SLC16A9: variants seen among roughly 807,000 people sequenced by gnomAD.
SLC16A9 encodes solute carrier family 16 member 9, also known as monocarboxylate transporter 9.
A neutral mutation model predicts 44.3 loss-of-function variants in SLC16A9; 26 were observed. The ratio of observed to expected loss-of-function variants is 0.59; its 90% CI spans 0.43 to 0.81. The LOEUF is 0.81. Among genes scored for constraint, SLC16A9 ranks in the 40% least tolerant of loss-of-function variants. The pLI is 0.00. For synonymous variants in SLC16A9, 230 were observed against 225.1 expected, an observed-to-expected ratio of 1.02 and a Z score of -0.19; for missense variants, 559 against 595.8, an observed-to-expected ratio of 0.94 and a Z score of 0.64.
At chr10:59,668,133 C>T (rs1388483846) in intron 3 of SLC16A9, among the ~76,000 whole-genome samples, 1 of 152,018 alleles carries the variant, frequency 6.6e-6, no homozygotes, top group Non-Finnish European at 1.5e-5. Context: ...AGTACTTTTC[C>T]CACCAATCTG....
At chr10:59,675,535 T>C (rs1436445675) in intron 2 of SLC16A9, among the ~76,000 whole-genome samples, 1 of 152,162 alleles carries the variant, frequency 6.6e-6, no homozygotes, top group African/African-American at 2.4e-5. Context: ...AGTCTCCCAG[T>C]AGACAGAAAA....
chr10:59,665,361 C>T (rs1265199686), intron 3 of SLC16A9, among the ~76,000 whole-genome samples: 1 of 152,166 alleles, frequency 6.6e-6, no homozygotes, highest in Non-Finnish European at 1.5e-5. Context: ...AAAATAGCTA[C>T]CTGGACTATG....
Position 59,651,000 on chromosome 10 carries a change from T to A in SLC16A9, c.*1772A>T, listed in dbSNP as rs1445907150. The A allele has an allele frequency of 6.6e-6, 1 of 151,600 alleles. No individual in the cohort carries two copies. The highest frequency in any genetic ancestry group is 2.4e-5 in the African/African-American group (1 of 41,058). The allele number at this position is 151,600 out of a possible 1,614,324, so 9.4% of individuals were successfully genotyped here. ...ACAAGTAGTTTAGTTTTTTTTTTTTTTATGTCACTTATTTTATTTACTAAC... is the reference window on the plus strand; with the variant it reads ...ACAAGTAGTTTAGTTTTTTTTTTTTATATGTCACTTATTTTATTTACTAAC... On this transcript the variant is annotated 3_prime_UTR_variant, in exon 6 of 6. Transcript: ENST00000395348.
chr10:59,667,175 G>A (rs1839639139), intron 3 of SLC16A9, among the ~76,000 whole-genome samples: 1 of 152,086 alleles, frequency 6.6e-6, no homozygotes, highest in Non-Finnish European at 1.5e-5. Context: ...ATACTGATAT[G>A]GTATCAGGTT....
intron 1 of SLC16A9, among the ~76,000 whole-genome samples, chr10:59,702,690 T>C (rs1253610759): frequency 6.6e-6 from 1 of 152,248 alleles, no homozygotes; most frequent in African/African-American, 2.4e-5. Flanking sequence ...AACTCAGCTT[T>C]AAAAACACAC....
intron 1 of SLC16A9, among the ~76,000 whole-genome samples, chr10:59,691,688 G>C (rs370485821): frequency 6.6e-6 from 1 of 152,164 alleles, no homozygotes; most frequent in Non-Finnish European, 1.5e-5. Context: ...AAACGAAAAA[G>C]ACTATTGATG....
intron 5 of SLC16A9, 82 bp downstream of exon 5, chr10:59,653,593 C>T: frequency 8.5e-7 from 1 of 1,172,486 alleles, no homozygotes; most frequent in Non-Finnish European, 1.2e-6. Context: ...ATCTGTGCTA[C>T]TATTACAATC....
intron 3 of SLC16A9, among the ~76,000 whole-genome samples, chr10:59,665,766 TG>T (rs1217397014): frequency 1.3e-5 from 2 of 152,182 alleles, no homozygotes; most frequent in Non-Finnish European, 2.9e-5. Context: ...ATGCTTTCCG[TG>T]ATTTCGTTGT....
intron 1 of SLC16A9, among the ~76,000 whole-genome samples, chr10:59,700,776 T>C (rs1252096496): frequency 6.6e-6 from 1 of 152,134 alleles, no homozygotes; most frequent in Non-Finnish European, 1.5e-5. Context: ...ACCTAGACAA[T>C]AAAAAGTGTT....
intron 1 of SLC16A9, among the ~76,000 whole-genome samples, chr10:59,696,398 A>T (rs1030497573): frequency 2.0e-5 from 3 of 152,098 alleles, no homozygotes; most frequent in Middle Eastern, 3.2e-3. Flanking sequence ...AGTTGCGTTC[A>T]CTCAGTGCTC....
chr10:59,658,656 C>A (rs566376059), intron 4 of SLC16A9, among the ~76,000 whole-genome samples: 2 of 152,204 alleles, frequency 1.3e-5, no homozygotes, highest in East Asian at 3.9e-4. Flanking sequence ...GTGGAAGATC[C>A]TCACAGGTTC....
intron 1 of SLC16A9, among the ~76,000 whole-genome samples, chr10:59,707,608 A>AT (rs1840675589): frequency 6.6e-6 from 1 of 151,150 alleles, no homozygotes; most frequent in Non-Finnish European, 1.5e-5. Context: ...AAAACAAAAG[A>AT]TAAAAATGTG....
intron 1 of SLC16A9, chr10:59,708,788 G>A (rs900648779): frequency 6.6e-6 from 1 of 152,144 alleles, no homozygotes; most frequent in Non-Finnish European, 1.5e-5. Context: ...GGTTACCTAG[G>A]GCGAACCAAA....
At chr10:59,673,181 A>C (rs934798480) in intron 2 of SLC16A9, among the ~76,000 whole-genome samples, 1 of 152,144 alleles carries the variant, frequency 6.6e-6, no homozygotes, top group African/African-American at 2.4e-5. Flanking sequence ...GAGGTTCTGG[A>C]GTCAGATTTT....
chr10:59,686,745 T>A (rs1217760171), intron 1 of SLC16A9, among the ~76,000 whole-genome samples: 1 of 152,232 alleles, frequency 6.6e-6, no homozygotes, highest in African/African-American at 2.4e-5. Context: ...TACAATTTTT[T>A]ATCTCCTTAT....
intron 1 of SLC16A9, among the ~76,000 whole-genome samples, chr10:59,705,939 T>C (rs958290630): frequency 1.3e-5 from 2 of 152,184 alleles, no homozygotes; most frequent in African/African-American, 4.8e-5. Flanking sequence ...CTCCCAGCCT[T>C]ATCTGTCTTA....
rs398046044 is a variant in SLC16A9, at chr10:59,651,001, T to TA, written c.*1770dup. 1 of 151,852 alleles carries TA rather than the reference T, an allele frequency of 6.6e-6. No individual in the cohort carries two copies. Among genetic ancestry groups the TA allele is most frequent in the African/African-American group, 2.4e-5 (1 of 41,328 alleles). The allele number at this position is 151,852 out of a possible 1,614,324, so 9.4% of individuals were successfully genotyped here. ...CAAGTAGTTTAGTTTTTTTTTTTTT[T>TA]ATGTCACTTATTTTATTTACTAACC... On this transcript the variant is annotated 3_prime_UTR_variant, in exon 6 of 6. Coordinates refer to ENST00000395348, the MANE Select transcript of SLC16A9 (RefSeq NM_194298.3).
intron 2 of SLC16A9, among the ~76,000 whole-genome samples, chr10:59,681,050 C>T (rs1488348489): frequency 1.3e-5 from 2 of 151,834 alleles, no homozygotes; most frequent in Admixed American, 6.6e-5. Context: ...ATGAATTAGA[C>T]TGTCTGCGTG....
intron 1 of SLC16A9, among the ~76,000 whole-genome samples, chr10:59,694,483 G>A (rs927424184): frequency 6.6e-6 from 1 of 151,902 alleles, no homozygotes; most frequent in African/African-American, 2.4e-5. Context: ...TATTAAGATA[G>A]ACTATAGATA....
Sources: allele counts gnomAD v4.1 joint callset (sites outside exome capture counted in the v4.1 genomes callset), GRCh38; gene constraint gnomAD v4.1.1; transcripts MANE v1.5; gene names NCBI Gene and HGNC (gene_info 2026-07-23, HGNC 2026-07-21).